The following ACTG1 variants were observed in gnomAD, a reference collection of about 807,000 sequenced individuals.
ACTG1 encodes actin gamma 1.
Under a neutral mutation model 34.3 loss-of-function variants are expected in ACTG1, and 14 were observed. That is an observed-to-expected ratio of 0.41 (90% CI 0.27 to 0.64). The LOEUF (loss-of-function observed/expected upper bound fraction) is 0.64. Among genes scored for constraint, ACTG1 ranks in the 30% least tolerant of loss-of-function variants. ACTG1 has a pLI of 0.33. For missense variants in ACTG1, 233 were observed against 529.5 expected (o/e 0.44, Z 5.50); for synonymous variants, 422 against 213.9 (o/e 1.97, Z -8.49).
intron 3 of ACTG1, 38 bp downstream of exon 3, chr17:81,511,865 A>C: frequency 6.2e-7 from 1 of 1,612,712 alleles, no homozygotes. Context: ...ATGACTGGGG[A>C]AAGGACGGGA....
rs140289614 is a variant in ACTG1 at position 81,511,077 on chromosome 17, G to A, written c.834C>T (p.Thr278=). 1.2e-5 allele frequency: 20 copies of A among 1,614,050 alleles called. 1 individual carries two copies. The African/African-American group carries it at 1.6e-4, about 13-fold the overall frequency. ...CGTCACACTTCATGATGGAGTTGAA[G>A]GTGGTCTCGTGGATGCCGCAAGATT... ...GMESCGIHET[T]FNSIMKCDVD... Residue 278 remains threonine (T), a synonymous_variant, in exon 5 of 6, where the codon ACC becomes ACT. Coordinates refer to ENST00000573283, the MANE Select transcript of ACTG1 (RefSeq NM_001614.5).
intron 1 of ACTG1, 139 bp downstream of exon 1, chr17:81,512,595 G>A (rs1050438122): frequency 6.0e-5 from 38 of 638,520 alleles, no homozygotes; most frequent in Middle Eastern, 4.5e-4. Context: ...CCCCAGCCCC[G>A]TCCGCCTGAC....
At position 81,510,648 on chromosome 17, in the gene ACTG1, A is replaced by C. The variant is rs1555666309; in HGVS notation, c.*42T>G. The C allele has an allele frequency of 3.1e-6, 5 of 1,612,550 alleles. No individual in the cohort carries two copies. The highest frequency in any genetic ancestry group is 4.2e-6 in the Non-Finnish European group (5 of 1,179,666). On this transcript the variant is annotated 3_prime_UTR_variant, in exon 6 of 6. Coordinates refer to ENST00000573283, the MANE Select transcript of ACTG1 (RefSeq NM_001614.5). The stretch of plus-strand genomic sequence containing the variant: ...TTGCCAGGGGCAAATTTCTATTCTC[A>C]ATTAACCCATGCAGCAAATGCTACG...
rs782444955 is a variant in ACTG1, at chr17:81,510,729, G to A, written c.1089C>T (p.Asp363=). Residue 363 remains aspartate, a synonymous_variant, in exon 6 of 6, where the codon GAC becomes GAT. Coordinates refer to ENST00000573283, the MANE Select transcript of ACTG1 (RefSeq NM_001614.5). ...QQMWISKQEY[D]ESGPSIVHRK... is the part of the protein sequence containing the mutation. ...GGTGGACGATGGAGGGGCCCGACTC[G>A]TCGTACTCCTGCTTGCTAATCCACA... 2.4e-5 allele frequency: 38 copies of A among 1,613,934 alleles called. No individual in the cohort carries two copies. Among genetic ancestry groups the A allele is most frequent in the Middle Eastern group, 1.6e-4 (1 of 6,070 alleles).
Position 81,510,365 on chromosome 17 carries a change from A to G in ACTG1, c.*325T>C, listed in dbSNP as rs1555666120. The G allele has an allele frequency of 8.7e-6, 4 of 461,536 alleles. No individual in the cohort carries two copies. Among genetic ancestry groups the G allele is most frequent in the Admixed American group, 5.4e-5 (2 of 37,312 alleles). 28.6% of individuals were successfully genotyped at this position (461,536 alleles called of 1,614,324 possible). A position where few individuals can be genotyped will look rare whatever the true frequency, so the allele number is the denominator to read the frequency against. On this transcript the variant is annotated 3_prime_UTR_variant, in exon 6 of 6. Transcript: ENST00000573283. ...CAGAGGCTGCTGGCCACACAGACTCACCAAGCCACAGACTTGTCTTCCACA... is the reference window on the plus strand; with the variant it reads ...CAGAGGCTGCTGGCCACACAGACTCGCCAAGCCACAGACTTGTCTTCCACA...
In ACTG1 at chr17:81,510,259, A is replaced by C; in HGVS notation, c.*431T>G. The C allele has an allele frequency of 1.9e-6, 1 of 535,812 alleles. No homozygotes were observed. The highest frequency in any genetic ancestry group is 3.2e-6 in the Non-Finnish European group (1 of 310,422). The allele number at this position is 535,812 out of a possible 1,614,324, so 33.2% of individuals were successfully genotyped here. A position where few individuals can be genotyped will look rare whatever the true frequency, so the allele number is the denominator to read the frequency against. ...GACTTTCCAACCCTGACAGACCCGCAAGACAAAACAACTGGTTCTTGCCAG... is the reference window on the plus strand; with the variant it reads ...GACTTTCCAACCCTGACAGACCCGCCAGACAAAACAACTGGTTCTTGCCAG... On this transcript the variant is annotated 3_prime_UTR_variant, in exon 6 of 6. Transcript: ENST00000573283.
chr17:81,510,711 G>A lies in ACTG1; in HGVS notation c.1107C>T (p.Ile369=), dbSNP rs372665803. ...KQEYDESGPS[I]VHRKCF ...CCGTTTAGAAGCATTTGCGGTGGAC[G>A]ATGGAGGGGCCCGACTCGTCGTACT... Residue 369 remains isoleucine, a synonymous_variant, in exon 6 of 6, where the codon ATC becomes ATT. Coordinates refer to ENST00000573283, the MANE Select transcript of ACTG1 (RefSeq NM_001614.5). 9.7e-5 allele frequency: 156 copies of A among 1,613,966 alleles called. No individual in the cohort carries two copies. The highest frequency in any genetic ancestry group is 6.4e-4 in the African/African-American group (48 of 74,916).
chr17:81,511,793 A>C, intron 3 of ACTG1, 110 bp downstream of exon 3: 1 of 1,578,684 alleles, frequency 6.3e-7, no homozygotes, highest in Non-Finnish European at 8.6e-7. Flanking sequence ...ATGCCGGGAG[A>C]GGAACAGAGC....
At chr17:81,511,711 G>C (rs1186612368) in intron 3 of ACTG1, 85 bp from the exon 4 acceptor site, 3 of 1,523,042 alleles carry the variant, frequency 2.0e-6, no homozygotes, top group Non-Finnish European at 2.7e-6. Flanking sequence ...CTGCATGCCA[G>C]TGTGATGTGT....
At position 81,510,121 on chromosome 17, in the gene ACTG1, T is replaced by C. The variant is rs1294020853; in HGVS notation, c.*569A>G. The C allele has an allele frequency of 8.6e-6, 4 of 465,770 alleles. No homozygotes were observed. Among genetic ancestry groups the C allele is most frequent in the South Asian group, 1.5e-5 (1 of 64,544 alleles). 28.9% of individuals were successfully genotyped at this position (465,770 alleles called of 1,614,324 possible). A position where few individuals can be genotyped will look rare whatever the true frequency, so the allele number is the denominator to read the frequency against. The stretch of plus-strand genomic sequence containing the variant: ...AAAAAAACCTTACATAAATTAAGAA[T>C]GAATACATTTACAGGCGTAAATGCA... On this transcript the variant is annotated 3_prime_UTR_variant, in exon 6 of 6. Coordinates refer to ENST00000573283, the MANE Select transcript of ACTG1 (RefSeq NM_001614.5).
rs202155328 is a variant in ACTG1, at chr17:81,511,294, G to A, written c.696C>T (p.Ser232=). ...CGTAGCTCTTCTCCAGAGAAGAGGA[G>A]GATGCGGCGGTGGCCATCTCCTGCT... The part of the protein sequence containing the change: ...DFEQEMATAA[S]SSSLEKSYEL... The change falls in exon 4 of 6, where the codon TCC becomes TCT. Residue 232 remains serine (S), a synonymous_variant. Coordinates refer to ENST00000573283, the MANE Select transcript of ACTG1 (RefSeq NM_001614.5). 234 of 1,613,696 alleles carry A rather than the reference G, an allele frequency of 1.5e-4. No homozygotes were observed. Among genetic ancestry groups the A allele is most frequent in the Admixed American group, 3.7e-4 (22 of 60,008 alleles).
At position 81,510,199 on chromosome 17, in the gene ACTG1, A is replaced by T; in HGVS notation, c.*491T>A. The T allele has an allele frequency of 1.8e-6, 1 of 540,638 alleles. No homozygotes were observed. Among genetic ancestry groups the T allele is most frequent in the Non-Finnish European group, 3.3e-6 (1 of 305,544 alleles). 33.5% of individuals were successfully genotyped at this position (540,638 alleles called of 1,614,324 possible). ...AGCCCACGGTGTTCTGGCCAAAGACATCAGCTAAGAAAGGAAACTGGGTCC... is the reference window on the plus strand; with the variant it reads ...AGCCCACGGTGTTCTGGCCAAAGACTTCAGCTAAGAAAGGAAACTGGGTCC... On this transcript the variant is annotated 3_prime_UTR_variant, in exon 6 of 6. Transcript: ENST00000573283.
At chr17:81,512,549 A>G in intron 1 of ACTG1, 185 bp downstream of exon 1, 1 of 942,724 alleles carries the variant, frequency 1.1e-6, no homozygotes, top group South Asian at 1.5e-5. Flanking sequence ...GGAAGTCTGC[A>G]CTGCGGCCGG....
chr17:81,510,583 C>T lies in ACTG1; in HGVS notation c.*107G>A, dbSNP rs1321266129. ...TTCAAGGACAATTTCTTTTCGAAGG[C>T]TTATTCCAGTTTCGTGAGGCTAGCA... On this transcript the variant is annotated 3_prime_UTR_variant, in exon 6 of 6. Coordinates refer to ENST00000573283, the MANE Select transcript of ACTG1 (RefSeq NM_001614.5). 1 of 1,416,764 alleles carries T rather than the reference C, an allele frequency of 7.1e-7. No homozygotes were observed. Among genetic ancestry groups the T allele is most frequent in the Middle Eastern group, 2.4e-4 (1 of 4,116 alleles). 87.8% of individuals were successfully genotyped at this position (1,416,764 alleles called of 1,614,324 possible).
chr17:81,511,121 GCCCTCC>G lies in ACTG1; in HGVS notation c.803-19_803-14del. On this transcript the variant is annotated splice_polypyrimidine_tract_variant and intron_variant, in intron 4 of 5. Coordinates refer to ENST00000573283, the MANE Select transcript of ACTG1 (RefSeq NM_001614.5). The stretch of plus-strand genomic sequence containing the variant: ...CAAGATTCCATACCTAGGGGACAGA[GCCCTCC>G]CTTAGTGATGCTGTGTCACCGAGGA... 6.2e-7 allele frequency: 1 copy of G among 1,613,940 alleles called. No homozygotes were observed. Among genetic ancestry groups the G allele is most frequent in the Non-Finnish European group, 8.5e-7 (1 of 1,180,034 alleles).
chr17:81,512,175 A>C (rs1183442947), intron 2 of ACTG1, 33 bp from the exon 3 acceptor site: 1 of 1,612,842 alleles, frequency 6.2e-7, no homozygotes, highest in Non-Finnish European at 8.5e-7. Flanking sequence ...CTCGCCGGCG[A>C]CACCGAACCC....
Position 81,510,441 on chromosome 17 carries a change from T to C in ACTG1, c.*249A>G, listed in dbSNP as rs782654581. ...GTGACCAAGCCACACGTACTAAAGG[T>C]TGAACTCAAAGATATGTACAGGGTA... On this transcript the variant is annotated 3_prime_UTR_variant, in exon 6 of 6. Transcript: ENST00000573283. 26 of 631,246 alleles carry C rather than the reference T, an allele frequency of 4.1e-5. 1 individual carries two copies. Among genetic ancestry groups the C allele is most frequent in the South Asian group, 3.4e-4 (22 of 64,148 alleles). The allele number at this position is 631,246 out of a possible 1,614,324, so 39.1% of individuals were successfully genotyped here.
Position 81,511,540 on chromosome 17 carries a change from G to A in ACTG1, c.450C>T (p.Gly150=), listed in dbSNP as rs368452194. The A allele has an allele frequency of 3.1e-5, 50 of 1,613,776 alleles. No individual in the cohort carries two copies. The highest frequency in any genetic ancestry group is 3.6e-5 in the Non-Finnish European group (43 of 1,180,040). The change falls in exon 4 of 6, where the codon GGC becomes GGT. Residue 150 remains glycine (G), a synonymous_variant. Transcript: ENST00000573283. The part of the protein sequence containing the change: ...LSLYASGRTT[G]IVMDSGDGVT... The stretch of plus-strand genomic sequence containing the variant: ...CCCCGTCTCCAGAGTCCATGACAAT[G>A]CCAGTGGTGCGCCCAGAGGCGTAGA...
intron 1 of ACTG1, 176 bp from the exon 2 acceptor site, chr17:81,512,536 C>T: frequency 9.4e-7 from 1 of 1,062,204 alleles, no homozygotes; most frequent in Non-Finnish European, 1.4e-6. Flanking sequence ...ACGTCCACGG[C>T]TCGGAAGTCT....
Sources: allele counts gnomAD v4.1 joint callset, GRCh38; gene constraint gnomAD v4.1.1; transcripts MANE v1.5; gene names NCBI Gene and HGNC (gene_info 2026-07-23, HGNC 2026-07-21).